The following SEC14L3 variants were observed in gnomAD, a reference collection of about 807,000 sequenced individuals.
SEC14L3 encodes the protein SEC14-like protein 3.
A neutral mutation model predicts 57.4 loss-of-function variants in SEC14L3; 56 were observed. The ratio of observed to expected loss-of-function variants is 0.97; its 90% CI spans 0.79 to 1.22. The LOEUF (loss-of-function observed/expected upper bound fraction) is 1.22. Ranked by LOEUF, SEC14L3 falls within the 50% of genes most tolerant of loss-of-function variation. SEC14L3 has a pLI of 0.00. For missense variants in SEC14L3, 485 were observed against 511.7 expected, an observed-to-expected ratio of 0.95 and a Z score of 0.50; for synonymous variants, 173 against 194.4, an observed-to-expected ratio of 0.89 and a Z score of 0.92.
chr22:30,470,258 G>T lies in SEC14L3; in HGVS notation c.131-3C>A, dbSNP rs1390584104. 1 of 1,613,060 alleles carries T rather than the reference G, an allele frequency of 6.2e-7. No homozygotes were observed. The highest frequency in any genetic ancestry group is 1.1e-5 in the South Asian group (1 of 90,878). The stretch of plus-strand genomic sequence containing the variant: ...CTTCTGCAAGTCAAAATTCCGAGCT[G>T]TGGGAAAACAGAAGGAAGGTGTGAG... On this transcript the variant is annotated splice_region_variant and splice_polypyrimidine_tract_variant and intron_variant, in intron 2 of 11. Coordinates refer to ENST00000215812, the MANE Select transcript of SEC14L3 (RefSeq NM_174975.5).
At chr22:30,462,364 T>C in intron 8 of SEC14L3, 172 bp from the exon 9 acceptor site, 1 of 569,538 alleles carries the variant, frequency 1.8e-6, no homozygotes, top group African/African-American at 2.0e-5. Context: ...TTCTCAGCAT[T>C]GTGTTGCTGT....
chr22:30,470,311 G>A, intron 2 of SEC14L3, 56 bp from the exon 3 acceptor site: 1 of 1,600,932 alleles, frequency 6.2e-7, no homozygotes, highest in Non-Finnish European at 8.5e-7. Context: ...TCTTACTCCT[G>A]GCCAGTGGGA....
At chr22:30,455,925 G>T (rs1205898403), downstream of SEC14L3, among the ~76,000 whole-genome samples, 2 of 152,140 alleles carry the variant, frequency 1.3e-5, no homozygotes, top group African/African-American at 4.8e-5. Context: ...CACAATGGGG[G>T]GCCTGCAGGC....
intron 12 of SEC14L3, among the ~76,000 whole-genome samples, chr22:30,452,594 A>C (rs1397361033): frequency 6.6e-6 from 1 of 151,432 alleles, no homozygotes; most frequent in Non-Finnish European, 1.5e-5. Context: ...CCACCCGCAC[A>C]TTTTCTAATA....
At chr22:30,466,187 A>C in intron 7 of SEC14L3, 147 bp downstream of exon 7, 1 of 690,046 alleles carries the variant, frequency 1.4e-6, no homozygotes, top group Non-Finnish European at 2.5e-6. Context: ...TTGAGAACTT[A>C]CTCTATGCCA....
intron 5 of SEC14L3, among the ~76,000 whole-genome samples, chr22:30,467,995 T>A (rs1341117388): frequency 2.0e-5 from 3 of 152,108 alleles, no homozygotes; most frequent in Non-Finnish European, 4.4e-5. Context: ...AGAATTCTAT[T>A]CCCGGCCTGG....
At chr22:30,459,083 C>T (rs1241993596), downstream of SEC14L3, 2 of 175,242 alleles carry the variant, frequency 1.1e-5, no homozygotes, top group Admixed American at 1.3e-4. Flanking sequence ...GCCACCCAAG[C>T]TGTAAGATGT....
intron 4 of SEC14L3, 61 bp downstream of exon 4, chr22:30,469,958 C>T (rs1935548245): frequency 2.1e-5 from 28 of 1,309,942 alleles, no homozygotes; most frequent in South Asian, 8.6e-5. Context: ...CATTCATGGT[C>T]CCCAGTGACC....
At chr22:30,470,383 G>T in intron 2 of SEC14L3, 124 bp downstream of exon 2, 1 of 1,595,676 alleles carries the variant, frequency 6.3e-7, no homozygotes, top group Non-Finnish European at 8.5e-7. Context: ...CCCTCCTCTG[G>T]ACCTGAACAT....
intron 11 of SEC14L3, among the ~76,000 whole-genome samples, chr22:30,460,752 C>T (rs184507242): frequency 1.8e-3 from 259 of 147,452 alleles, no homozygotes; most frequent in African/African-American, 6.3e-3. Context: ...CGCTTGAACC[C>T]GGGAGGGGGA....
downstream of SEC14L3, among the ~76,000 whole-genome samples, chr22:30,454,543 TTATATATAATCTATAATAA>T (rs1314881639): frequency 0.072 from 8,140 of 113,764 alleles, 68 homozygotes; most frequent in Non-Finnish European, 0.082. Context: ...TATAATAATA[TTATATATAATCTATAATAA>T]TATTATATAT....
At chr22:30,454,853 ATAT>A (rs1353791745), downstream of SEC14L3, among the ~76,000 whole-genome samples, 12 of 54,526 alleles carry the variant, frequency 2.2e-4, 1 homozygote, top group Admixed American at 1.4e-3. Context: ...ATAATATATT[ATAT>A]TATTATATAA....
chr22:30,454,920 ATTATATAATAG>A (rs1202351944), downstream of SEC14L3, among the ~76,000 whole-genome samples: 6 of 45,630 alleles, frequency 1.3e-4, no homozygotes, highest in Non-Finnish European at 2.1e-4. Flanking sequence ...ATTATTATAT[ATTATATAATAG>A]ATATATAATA....
chr22:30,458,291 G>A (rs192973085), downstream of SEC14L3, among the ~76,000 whole-genome samples: 2 of 152,300 alleles, frequency 1.3e-5, no homozygotes, highest in African/African-American at 4.8e-5. Flanking sequence ...GAGCGTCAGG[G>A]GGTTGTGCTT....
chr22:30,459,724 G>C lies in SEC14L3; in HGVS notation c.*297C>G, dbSNP rs1218545734. Reference sequence around the variant, plus strand: ...AAGCATACACACCTGCCTTAGGGTAGGTGAGGACAAAGGCTAGGGGATTCA... The same window carrying C: ...AAGCATACACACCTGCCTTAGGGTACGTGAGGACAAAGGCTAGGGGATTCA... On this transcript the variant is annotated 3_prime_UTR_variant, in exon 12 of 12. Coordinates refer to ENST00000215812, the MANE Select transcript of SEC14L3 (RefSeq NM_174975.5). The C allele has an allele frequency of 9.2e-7, 1 of 1,083,840 alleles. No individual in the cohort carries two copies. Among genetic ancestry groups the C allele is most frequent in the Middle Eastern group, 4.2e-4 (1 of 2,388 alleles). The allele number at this position is 1,083,840 out of a possible 1,614,324, so 67.1% of individuals were successfully genotyped here.
In SEC14L3 at chr22:30,466,405, A is replaced by G; in HGVS notation, c.520-11T>C. ...AAGGAGGCCAAAGAACTGTGGAACC[A>G]AGAGAGATCCCTTCAGAGAGCACAT... On this transcript the variant is annotated splice_polypyrimidine_tract_variant and intron_variant, in intron 6 of 11. Transcript: ENST00000215812. 6.2e-7 allele frequency: 1 copy of G among 1,614,056 alleles called. No homozygotes were observed. Among genetic ancestry groups the G allele is most frequent in the Non-Finnish European group, 8.5e-7 (1 of 1,179,968 alleles).
intron 4 of SEC14L3, 155 bp from the exon 5 acceptor site, chr22:30,468,851 G>A: frequency 1.9e-6 from 3 of 1,556,150 alleles, no homozygotes; most frequent in South Asian, 2.4e-5. Context: ...TGAGAAAGCT[G>A]AGGTCCTGCA....
At chr22:30,453,705 G>A (rs1005401380) in intron 12 of SEC14L3, among the ~76,000 whole-genome samples, 4 of 152,182 alleles carry the variant, frequency 2.6e-5, no homozygotes, top group African/African-American at 9.6e-5. Context: ...GAGCCGCCGT[G>A]CCCAGCCCAG....
intron 8 of SEC14L3, among the ~76,000 whole-genome samples, chr22:30,463,015 A>G (rs958406773): frequency 2.4e-4 from 37 of 152,240 alleles, no homozygotes; most frequent in African/African-American, 8.9e-4. Flanking sequence ...GATTACAGGC[A>G]TGAGCCACCA....
Sources: allele counts gnomAD v4.1 joint callset (sites outside exome capture counted in the v4.1 genomes callset), GRCh38; gene constraint gnomAD v4.1.1; transcripts MANE v1.5; gene names NCBI Gene and HGNC (gene_info 2026-07-23, HGNC 2026-07-21).